Variants in PAWR observed in about 807,000 individuals in gnomAD.
The protein encoded by PAWR is pro-apoptotic WT1 regulator.
A neutral mutation model predicts 32.0 loss-of-function variants in PAWR; 23 were observed. The ratio of observed to expected loss-of-function variants is 0.72; its 90% CI spans 0.52 to 1.02. The LOEUF (loss-of-function observed/expected upper bound fraction) is 1.02. Ranked by LOEUF, PAWR falls within the 50% of genes least tolerant of loss-of-function variation. PAWR has a pLI of 0.00. For missense variants in PAWR, 457 were observed against 437.7 expected (o/e 1.04, Z -0.39); for synonymous variants, 226 against 187.1 (o/e 1.21, Z -1.70).
At chr12:79,655,463 C>T (rs1877051859) in intron 2 of PAWR, among the ~76,000 whole-genome samples, 1 of 152,208 alleles carries the variant, frequency 6.6e-6, no homozygotes, top group South Asian at 2.1e-4. Flanking sequence ...TCCCTAGGCA[C>T]TAGTTTTACC....
At chr12:79,639,615 T>C (rs915987685) in intron 2 of PAWR, among the ~76,000 whole-genome samples, 20 of 152,242 alleles carry the variant, frequency 1.3e-4, no homozygotes, top group Middle Eastern at 6.8e-3. Flanking sequence ...CATATATTCC[T>C]CTAAAAATAA....
At chr12:79,632,347 ATATATATATATATATTTT>A (rs1875731715) in intron 2 of PAWR, among the ~76,000 whole-genome samples, 2 of 49,576 alleles carry the variant, frequency 4.0e-5, no homozygotes, top group East Asian at 5.8e-4. Context: ...ATATATATAT[ATATATATATATATATTTT>A]TTTTTTTTTT....
chr12:79,605,518 TC>T (rs1399668484), intron 4 of PAWR, among the ~76,000 whole-genome samples: 3 of 151,786 alleles, frequency 2.0e-5, no homozygotes, highest in African/African-American at 7.3e-5. Flanking sequence ...ACAGATACAT[TC>T]TTTTTTTTTT....
At chr12:79,624,956 T>C (rs1445840760) in intron 2 of PAWR, among the ~76,000 whole-genome samples, 1 of 152,188 alleles carries the variant, frequency 6.6e-6, no homozygotes, top group Non-Finnish European at 1.5e-5. Flanking sequence ...GATTGCTGGC[T>C]CACAAGGTAA....
intron 2 of PAWR, among the ~76,000 whole-genome samples, chr12:79,642,383 T>A (rs1273513150): frequency 6.6e-6 from 1 of 152,226 alleles, no homozygotes; most frequent in Admixed American, 6.5e-5. Flanking sequence ...GATGTATTAC[T>A]AAATAGTTTG....
chr12:79,639,881 T>TATTCCCATTCCATTCCATTCC, intron 2 of PAWR, among the ~76,000 whole-genome samples: 1 of 112,502 alleles, frequency 8.9e-6, no homozygotes, highest in African/African-American at 5.1e-5. Context: ...TTCCTATTCC[T>TATTCCCATTCCATTCCATTCC]ATTCCATTCC....
Position 79,621,164 on chromosome 12 carries a change from C to T in PAWR, c.560G>A (p.Arg187Gln), listed in dbSNP as rs766566364. 14 of 1,611,456 alleles carry T rather than the reference C, an allele frequency of 8.7e-6. No individual in the cohort carries two copies. Among genetic ancestry groups the T allele is most frequent in the African/African-American group, 6.7e-5 (5 of 74,828 alleles). Residue 187 changes from arginine to glutamine, a missense_variant, in exon 3 of 7, where the codon CGG becomes CAG. Arg to Gln is a conservative substitution (Grantham distance 43). Transcript: ENST00000328827. ...TTGTGTAATTGCATCTTCTCGTTTC[C>T]GCTCTTTCTGCCCTGCTTCATCATC... The part of the protein sequence containing the change: ...YEDDEAGQKE[R>Q]KREDAITQQN...
intron 4 of PAWR, among the ~76,000 whole-genome samples, chr12:79,597,376 A>G (rs1228405369): frequency 1.3e-5 from 2 of 152,174 alleles, no homozygotes; most frequent in Admixed American, 1.3e-4. Context: ...GATCGCCCAG[A>G]CTATGTGTGG....
chr12:79,683,073 T>C (rs1401195489), intron 2 of PAWR, among the ~76,000 whole-genome samples: 3 of 152,210 alleles, frequency 2.0e-5, no homozygotes, highest in African/African-American at 7.2e-5. Flanking sequence ...TCTAGACTTG[T>C]CTAAATTCTG....
intron 4 of PAWR, among the ~76,000 whole-genome samples, chr12:79,611,246 T>C (rs1874426336): frequency 3.4e-5 from 5 of 146,606 alleles, no homozygotes; most frequent in Admixed American, 2.1e-4. Flanking sequence ...TTATACAGTA[T>C]ATATTATATA....
intron 4 of PAWR, among the ~76,000 whole-genome samples, chr12:79,611,102 C>A (rs1437795549): frequency 2.7e-5 from 4 of 147,976 alleles, no homozygotes; most frequent in African/African-American, 7.4e-5. Flanking sequence ...GTGTTTGAAC[C>A]TCCTAATGAC....
chr12:79,655,176 A>G (rs1877038812), intron 2 of PAWR, among the ~76,000 whole-genome samples: 1 of 152,198 alleles, frequency 6.6e-6, no homozygotes, highest in South Asian at 2.1e-4. Context: ...AACAAATCCC[A>G]GTCTCTTTAA....
chr12:79,650,888 A>G (rs545970004), intron 2 of PAWR, among the ~76,000 whole-genome samples: 1 of 152,318 alleles, frequency 6.6e-6, no homozygotes, highest in East Asian at 1.9e-4. Flanking sequence ...GCAGACCTTT[A>G]TACTGCGTGC....
At chr12:79,678,529 T>C (rs749872978) in intron 2 of PAWR, among the ~76,000 whole-genome samples, 8 of 152,248 alleles carry the variant, frequency 5.3e-5, no homozygotes, top group Admixed American at 2.6e-4. Context: ...CAGGATGGCC[T>C]TTGGGCAAGT....
At position 79,586,519 on chromosome 12, in the gene PAWR, T is replaced by C. The variant is rs1457576466; in HGVS notation, c.*6088A>G. On this transcript the variant is annotated 3_prime_UTR_variant, in exon 7 of 7. Transcript: ENST00000328827. Reference sequence around the variant, plus strand: ...ATAGAAGCCTCTAACAATGTAAATATTGTGCATTTCAAGTTCCATAGTGTG... The same window carrying C: ...ATAGAAGCCTCTAACAATGTAAATACTGTGCATTTCAAGTTCCATAGTGTG... The C allele has an allele frequency of 1.3e-5, 2 of 152,230 alleles. No homozygotes were observed. The highest frequency in any genetic ancestry group is 6.5e-5 in the Admixed American group (1 of 15,286). The allele number at this position is 152,230 out of a possible 1,614,324, so 9.4% of individuals were successfully genotyped here.
At chr12:79,687,941 T>C (rs1349303916) in intron 2 of PAWR, among the ~76,000 whole-genome samples, 4 of 152,046 alleles carry the variant, frequency 2.6e-5, no homozygotes, top group Admixed American at 1.3e-4. Flanking sequence ...TAGTTACCAC[T>C]AAAAGAAAGC....
At chr12:79,672,561 T>C (rs1164171093) in intron 2 of PAWR, among the ~76,000 whole-genome samples, 1 of 152,188 alleles carries the variant, frequency 6.6e-6, no homozygotes, top group African/African-American at 2.4e-5. Context: ...AGGCTTTCCT[T>C]GCCAGCCCTA....
intron 4 of PAWR, among the ~76,000 whole-genome samples, chr12:79,599,518 A>G (rs943988692): frequency 2.0e-5 from 3 of 152,212 alleles, no homozygotes; most frequent in Non-Finnish European, 2.9e-5. Context: ...AGTAAAGCAA[A>G]ACTCCAAACC....
chr12:79,631,882 C>T (rs1875642467), intron 2 of PAWR, among the ~76,000 whole-genome samples: 1 of 151,860 alleles, frequency 6.6e-6, no homozygotes, highest in Non-Finnish European at 1.5e-5. Context: ...ACCTGTAATC[C>T]TAGCACTTTG....
Sources: gnomAD v4.1 joint callset for allele counts (sites outside exome capture counted in the v4.1 genomes callset) on GRCh38, gnomAD v4.1.1 for gene constraint, MANE v1.5 for transcripts, NCBI Gene and HGNC (gene_info 2026-07-23, HGNC 2026-07-21) for gene names.